TTLL11: variants seen among roughly 807,000 people sequenced by gnomAD.
TTLL11 encodes tubulin tyrosine ligase like 11, also known as tubulin polyglutamylase TTLL11.
Under a neutral mutation model 51.7 loss-of-function variants are expected in TTLL11, and 42 were observed. The ratio of observed to expected loss-of-function variants is 0.81; its 90% CI spans 0.64 to 1.05. TTLL11 has a LOEUF of 1.05. Among genes scored for constraint, TTLL11 ranks in the 50% least tolerant of loss-of-function variants. The pLI is 0.00. For synonymous variants in TTLL11, 381 were observed against 383.5 expected (o/e 0.99, Z 0.08); for missense variants, 799 against 940.4 (o/e 0.85, Z 1.97).
chr9:122,049,685 T>C (rs1845108067), intron 1 of TTLL11, among the ~76,000 whole-genome samples: 1 of 152,184 alleles, frequency 6.6e-6, no homozygotes, highest in African/African-American at 2.4e-5. Context: ...TAAATGTTCT[T>C]TGAGCAAATC....
chr9:121,967,512 C>T (rs753618073), intron 6 of TTLL11, among the ~76,000 whole-genome samples: 2 of 152,090 alleles, frequency 1.3e-5, no homozygotes, highest in Non-Finnish European at 2.9e-5. Context: ...CGTGAGCCAC[C>T]GCGCCCAGCC....
At chr9:122,070,022 C>A (rs778799032) in intron 1 of TTLL11, among the ~76,000 whole-genome samples, 1 of 151,956 alleles carries the variant, frequency 6.6e-6, no homozygotes, top group Non-Finnish European at 1.5e-5. Flanking sequence ...CGCGCACACA[C>A]ACACACACAC....
intron 8 of TTLL11, among the ~76,000 whole-genome samples, chr9:121,852,495 G>T (rs1465894229): frequency 6.6e-6 from 1 of 152,166 alleles, no homozygotes; most frequent in South Asian, 2.1e-4. Flanking sequence ...GGCAACAAGT[G>T]TAGGGAGAGG....
At chr9:121,942,123 G>A (rs1564317443) in intron 6 of TTLL11, among the ~76,000 whole-genome samples, 1 of 152,084 alleles carries the variant, frequency 6.6e-6, no homozygotes, top group African/African-American at 2.4e-5. Context: ...CTGCCATTCA[G>A]CCCCCAGCAT....
intron 8 of TTLL11, among the ~76,000 whole-genome samples, chr9:121,825,568 T>C (rs1281500401): frequency 6.6e-6 from 1 of 152,174 alleles, no homozygotes; most frequent in African/African-American, 2.4e-5. Flanking sequence ...TGACAATCTG[T>C]GGGTTGCAAC....
At chr9:121,952,668 T>C (rs1228166265) in intron 6 of TTLL11, among the ~76,000 whole-genome samples, 1 of 152,082 alleles carries the variant, frequency 6.6e-6, no homozygotes, top group Non-Finnish European at 1.5e-5. Context: ...AAATGCCTTG[T>C]TTGATTGGTG....
chr9:121,834,820 C>T (rs1837139028), intron 8 of TTLL11, among the ~76,000 whole-genome samples: 1 of 141,246 alleles, frequency 7.1e-6, no homozygotes, highest in Non-Finnish European at 1.6e-5. Context: ...GAGTGAGACT[C>T]TGTCTCAGGA....
chr9:121,889,824 C>A (rs576665124), intron 6 of TTLL11, among the ~76,000 whole-genome samples: 1 of 148,584 alleles, frequency 6.7e-6, no homozygotes, highest in South Asian at 2.1e-4. Context: ...CACTTGAAAT[C>A]AGGAGGCGGA....
chr9:122,046,837 A>T (rs1845019279), intron 1 of TTLL11, among the ~76,000 whole-genome samples: 1 of 152,186 alleles, frequency 6.6e-6, no homozygotes, highest in Non-Finnish European at 1.5e-5. Context: ...AGATATGGAA[A>T]TGGAAGGGCT....
rs190608247 is a variant in TTLL11, at chr9:121,957,666, C to T, written c.1481+16343G>A. On this transcript the variant is annotated intron_variant, in intron 6 of 8. Coordinates refer to ENST00000321582, the MANE Select transcript of TTLL11 (RefSeq NM_001139442.2). ...AGGCGTGCTCACATGGAGCCCATGCCCTCCCTCCTCCGGGAGCCCCTTCTA... is the reference window on the plus strand; with the variant it reads ...AGGCGTGCTCACATGGAGCCCATGCTCTCCCTCCTCCGGGAGCCCCTTCTA... 2.2e-3 allele frequency among the ~76,000 whole-genome samples: 336 copies of T among 152,276 alleles called. 2 individuals carry two copies. The highest frequency in any genetic ancestry group is 7.8e-3 in the African/African-American group (325 of 41,556).
chr9:122,034,156 T>C (rs1453656133), intron 2 of TTLL11, among the ~76,000 whole-genome samples: 2 of 152,244 alleles, frequency 1.3e-5, no homozygotes, highest in East Asian at 1.9e-4. Flanking sequence ...TTCTGCACTT[T>C]AAAGTCGTTG....
chr9:121,894,094 C>T (rs1346168322), intron 6 of TTLL11, among the ~76,000 whole-genome samples: 3 of 152,136 alleles, frequency 2.0e-5, no homozygotes, highest in African/African-American at 7.2e-5. Context: ...AGCAGATAAA[C>T]ATGTGACATC....
At position 121,947,996 on chromosome 9, in the gene TTLL11, C is replaced by T. The variant is rs78701896; in HGVS notation, c.1481+26013G>A. ...AATAAAGAAAACTACCATTTACTGA[C>T]TGTCTACTCTGCAACTAGGCACTGA... On this transcript the variant is annotated intron_variant, in intron 6 of 8. Coordinates refer to ENST00000321582, the MANE Select transcript of TTLL11 (RefSeq NM_001139442.2). 9.2e-5 allele frequency among the ~76,000 whole-genome samples: 14 copies of T among 152,328 alleles called. 1 individual carries two copies. The East Asian group carries it at 2.7e-3, about 29-fold the overall frequency.
At chr9:122,040,793 C>T (rs1844826894) in intron 1 of TTLL11, among the ~76,000 whole-genome samples, 1 of 152,234 alleles carries the variant, frequency 6.6e-6, no homozygotes, top group South Asian at 2.1e-4. Flanking sequence ...ATGTTGTACA[C>T]TCTACTCACA....
At chr9:122,057,154 T>C (rs1845309114) in intron 1 of TTLL11, among the ~76,000 whole-genome samples, 1 of 152,126 alleles carries the variant, frequency 6.6e-6, no homozygotes, top group Admixed American at 6.5e-5. Context: ...TTTAAAGGTG[T>C]TCAGGGAGGA....
intron 6 of TTLL11, among the ~76,000 whole-genome samples, chr9:121,909,406 G>A (rs1223173546): frequency 6.6e-6 from 1 of 152,026 alleles, no homozygotes; most frequent in Non-Finnish European, 1.5e-5. Flanking sequence ...AGTCATGCAG[G>A]CCTGCACTAA....
chr9:121,933,022 A>C (rs1369486681), intron 6 of TTLL11, among the ~76,000 whole-genome samples: 1 of 152,212 alleles, frequency 6.6e-6, no homozygotes, highest in African/African-American at 2.4e-5. Flanking sequence ...AGATTGATCA[A>C]CTGGCTCCCT....
intron 6 of TTLL11, among the ~76,000 whole-genome samples, chr9:121,891,434 G>A (rs13285113): frequency 0.12 from 18,328 of 152,156 alleles, 1,301 homozygotes; most frequent in Admixed American, 0.21. Context: ...ATGCAACAGC[G>A]GGATCACAAC....
At chr9:122,039,393 C>T in intron 1 of TTLL11, 25 bp from the exon 2 acceptor site, 2 of 1,588,648 alleles carry the variant, frequency 1.3e-6, no homozygotes, top group Non-Finnish European at 8.6e-7. Context: ...ATGTGACTCG[C>T]AATAAGAATA....
Sources: allele counts gnomAD v4.1 joint callset (sites outside exome capture counted in the v4.1 genomes callset), GRCh38; gene constraint gnomAD v4.1.1; transcripts MANE v1.5; gene names NCBI Gene and HGNC (gene_info 2026-07-23, HGNC 2026-07-21).